PHF2: variants seen among roughly 807,000 people sequenced by gnomAD.
PHF2 encodes PHD finger protein 2.
PHF2 carries 27 observed loss-of-function variants against 120.5 expected under a neutral mutation model. The ratio of observed to expected loss-of-function variants is 0.22; its 90% CI spans 0.17 to 0.31. The LOEUF is 0.31. Among genes scored for constraint, PHF2 ranks in the 10% least tolerant of loss-of-function variants. The pLI is 1.00. For synonymous variants in PHF2, 568 were observed against 592.5 expected, an observed-to-expected ratio of 0.96 and a Z score of 0.60; for missense variants, 1,024 against 1,434.8, an observed-to-expected ratio of 0.71 and a Z score of 4.63.
chr9:93,676,703 C>G lies in PHF2; in HGVS notation c.2942C>G (p.Thr981Ser). ...SISAGTTSTSTTPASTTPAST... is the reference protein window; with the variant it reads ...SISAGTTSTSSTPASTTPAST... ...TCTGCCGGCACCACCTCCACCTCCA[C>G]CACGCCAGCCTCTACCACCCCGGCC... Residue 981 changes from threonine (T) to serine (S), a missense_variant, in exon 21 of 22, where the codon ACC becomes AGC. Coordinates refer to ENST00000359246, the MANE Select transcript of PHF2 (RefSeq NM_005392.4). 6.4e-7 allele frequency: 1 copy of G among 1,563,434 alleles called. No homozygotes were observed. The highest frequency in any genetic ancestry group is 8.7e-7 in the Non-Finnish European group (1 of 1,154,768).
chr9:93,677,607 C>A lies in PHF2; in HGVS notation c.3222C>A (p.Gly1074=), dbSNP rs748268632. The part of the protein sequence containing the change: ...TAAKGKRTKK[G]MATAKQRLGK... ...CCCTAGGAAAACGTACGAAAAAGGGCATGGCGACCGCCAAGCAGAGGCTTG... is the reference window on the plus strand; with the variant it reads ...CCCTAGGAAAACGTACGAAAAAGGGAATGGCGACCGCCAAGCAGAGGCTTG... Residue 1074 remains glycine, a synonymous_variant, in exon 22 of 22, where the codon GGC becomes GGA. Transcript: ENST00000359246. This position sits in a 1 kb window ranked among gnomAD's most constrained non-coding sequence, Gnocchi z 4.4. 10 of 1,613,866 alleles carry A rather than the reference C, an allele frequency of 6.2e-6. No individual in the cohort carries two copies. The highest frequency in any genetic ancestry group is 1.3e-5 in the African/African-American group (1 of 75,030).
intron 17 of PHF2, among the ~76,000 whole-genome samples, chr9:93,670,206 C>T (rs1826756958): frequency 1.3e-5 from 2 of 152,320 alleles, no homozygotes; most frequent in East Asian, 3.9e-4. Context: ...GCAGGCACCC[C>T]GTGTGCCCCA....
At chr9:93,634,961 C>T (rs977815884) in intron 2 of PHF2, among the ~76,000 whole-genome samples, 3 of 152,196 alleles carry the variant, frequency 2.0e-5, no homozygotes, top group Admixed American at 6.5e-5. Context: ...CCACAAGGCC[C>T]GTGTGAGCCT....
Position 93,667,171 on chromosome 9 carries a change from C to T in PHF2, c.2279C>T (p.Ser760Leu), listed in dbSNP as rs747655204. 13 of 1,612,904 alleles carry T rather than the reference C, an allele frequency of 8.1e-6. No homozygotes were observed. The highest frequency in any genetic ancestry group is 2.2e-5 in the East Asian group (1 of 44,870). The change falls in exon 17 of 22, where the codon TCG (serine) becomes TTG (leucine). Residue 760 changes from serine to leucine, a missense_variant. Around this residue, in one of 2 missense-constraint regions of PHF2, gnomAD observed 677 missense variants for 857.4 expected, o/e 0.79. Coordinates refer to ENST00000359246, the MANE Select transcript of PHF2 (RefSeq NM_005392.4). Reference protein sequence around the residue: ...NARVKKESGSSAAGILDLLQA... With the variant: ...NARVKKESGSLAAGILDLLQA... The stretch of plus-strand genomic sequence containing the variant: ...AGAGTCAAGAAGGAGAGTGGGAGCT[C>T]GGCAGCTGGCATCTTGGACCTGCTG...
In PHF2 at chr9:93,676,880, C is replaced by T. The variant is rs766300155; in HGVS notation, c.3119C>T (p.Thr1040Ile). ...TTCACCGGGGCCCAGGCTGGCCGCA[C>T]CTCCCAGCCCATGGCCCCTGGGGTC... Reference protein sequence around the residue: ...GTFTGAQAGRTSQPMAPGVFL... With the variant: ...GTFTGAQAGRISQPMAPGVFL... Residue 1040 changes from threonine (T) to isoleucine (I), a missense_variant, in exon 21 of 22, where the codon ACC becomes ATC. Physicochemically the swap from Thr to Ile is moderately conservative, Grantham distance 89. Coordinates refer to ENST00000359246, the MANE Select transcript of PHF2 (RefSeq NM_005392.4). The T allele has an allele frequency of 1.1e-5, 17 of 1,577,570 alleles. No individual in the cohort carries two copies. The highest frequency in any genetic ancestry group is 4.0e-5 in the African/African-American group (3 of 74,448).
At chr9:93,653,730 C>T (rs1295635537) in intron 6 of PHF2, among the ~76,000 whole-genome samples, 1 of 152,198 alleles carries the variant, frequency 6.6e-6, no homozygotes, top group African/African-American at 2.4e-5. Context: ...AGGAGAGGGG[C>T]ATCTGAGTGG....
chr9:93,578,043 C>G (rs1862866794), intron 1 of PHF2, among the ~76,000 whole-genome samples: 1 of 152,194 alleles, frequency 6.6e-6, no homozygotes, highest in South Asian at 2.1e-4. Flanking sequence ...AGGAGATCCT[C>G]CTGCAGGTTC....
At chr9:93,632,366 A>T (rs927382383) in intron 2 of PHF2, among the ~76,000 whole-genome samples, 1 of 152,148 alleles carries the variant, frequency 6.6e-6, no homozygotes, top group South Asian at 2.1e-4. Flanking sequence ...ATATTTGTGC[A>T]TGTGTATGTG....
chr9:93,641,063 A>C (rs1301804038), intron 3 of PHF2, among the ~76,000 whole-genome samples: 2 of 152,204 alleles, frequency 1.3e-5, no homozygotes, highest in East Asian at 3.8e-4. Flanking sequence ...GAAGTGTTCT[A>C]TAATTTCAGG....
At chr9:93,603,768 G>A (rs1825488533) in intron 1 of PHF2, among the ~76,000 whole-genome samples, 1 of 152,104 alleles carries the variant, frequency 6.6e-6, no homozygotes, top group Admixed American at 6.5e-5. Flanking sequence ...ACCTACCTGG[G>A]GAAGCCTCAT....
chr9:93,603,270 G>C (rs774071143), intron 1 of PHF2, among the ~76,000 whole-genome samples: 1 of 152,170 alleles, frequency 6.6e-6, no homozygotes, highest in Non-Finnish European at 1.5e-5. Context: ...AGAGGCACTC[G>C]GATGGCCCAG....
chr9:93,653,472 G>T (rs1326259763), intron 6 of PHF2, 107 bp downstream of exon 6: 1 of 1,171,436 alleles, frequency 8.5e-7, no homozygotes, highest in Non-Finnish European at 1.2e-6. Context: ...CGACTCCCCA[G>T]AGGGCCCCTG....
intron 1 of PHF2, among the ~76,000 whole-genome samples, chr9:93,605,537 C>T (rs1285599278): frequency 2.0e-5 from 3 of 152,188 alleles, no homozygotes; most frequent in Admixed American, 6.5e-5. Context: ...CTCTGATAAC[C>T]ACTGATGTTT....
At chr9:93,585,655 GGACT>G (rs1253343692) in intron 1 of PHF2, among the ~76,000 whole-genome samples, 7 of 152,188 alleles carry the variant, frequency 4.6e-5, no homozygotes, top group Admixed American at 2.0e-4. Flanking sequence ...TCTGACCTGG[GGACT>G]GATACACCCA....
At chr9:93,658,028 G>A (rs988915573) in intron 9 of PHF2, 117 bp from the exon 10 acceptor site, 8 of 668,622 alleles carry the variant, frequency 1.2e-5, no homozygotes, top group South Asian at 3.5e-5. Context: ...GGCCATGGGC[G>A]GAGGGAGACC....
At chr9:93,635,924 G>T (rs1229200381) in intron 2 of PHF2, among the ~76,000 whole-genome samples, 15 of 152,276 alleles carry the variant, frequency 9.9e-5, no homozygotes, top group African/African-American at 3.6e-4. Flanking sequence ...ACCACCTGGG[G>T]AGGTGGGGAG....
chr9:93,667,074 C>G lies in PHF2; in HGVS notation c.2188-6C>G. ...CCTGACCGAAGCCCTGTCCCTCGCG[C>G]AGCAGAGTGATGACTCCTCGGACGA... is the stretch of plus-strand genomic sequence containing the variant. On this transcript the variant is annotated splice_region_variant and splice_polypyrimidine_tract_variant and intron_variant, in intron 16 of 21. Coordinates refer to ENST00000359246, the MANE Select transcript of PHF2 (RefSeq NM_005392.4). The G allele has an allele frequency of 6.2e-7, 1 of 1,610,686 alleles. No homozygotes were observed. Among genetic ancestry groups the G allele is most frequent in the Non-Finnish European group, 8.5e-7 (1 of 1,178,926 alleles).
chr9:93,656,844 A>G lies in PHF2; in HGVS notation c.1147+249A>G, dbSNP rs1826469566. ...AGAACGAACACTGGGCTGTGGGTTG[A>G]GAGGGGTGAGTGTGCATGGCCTCAG... On this transcript the variant is annotated intron_variant, in intron 9 of 21. Coordinates refer to ENST00000359246, the MANE Select transcript of PHF2 (RefSeq NM_005392.4). This position sits in a 1 kb window ranked among gnomAD's most constrained non-coding sequence, Gnocchi z 4.1. Among the ~76,000 whole-genome samples the G allele has an allele frequency of 6.6e-6, 1 of 152,150 alleles. No individual in the cohort carries two copies. Among genetic ancestry groups the G allele is most frequent in the Admixed American group, 6.5e-5 (1 of 15,280 alleles).
intron 12 of PHF2, among the ~76,000 whole-genome samples, chr9:93,662,590 C>T (rs1826594255): frequency 7.1e-6 from 1 of 140,512 alleles, no homozygotes; most frequent in Non-Finnish European, 1.5e-5. Flanking sequence ...ATGCATGGTG[C>T]ATGGATGGAT....
Sources: gnomAD v4.1 joint callset for allele counts (sites outside exome capture counted in the v4.1 genomes callset) on GRCh38, gnomAD v4.1.1 for gene constraint, gnomAD v4.1.1 regional missense constraint, Gnocchi (gnomAD v3.1) non-coding constraint, MANE v1.5 for transcripts, NCBI Gene and HGNC (gene_info 2026-07-23, HGNC 2026-07-21) for gene names.